EPB41: variants seen among roughly 807,000 people sequenced by gnomAD.
The protein encoded by EPB41 is protein 4.1.
In EPB41, 65 loss-of-function variants were observed where a neutral mutation model predicts 108.0. The observed-to-expected ratio is 0.60, with a 90% CI of 0.49 to 0.74. The LOEUF (loss-of-function observed/expected upper bound fraction) is 0.74, where lower values mean the gene tolerates loss of function less well. EPB41 is among the 30% of genes least tolerant of loss of function. The probability of loss-of-function intolerance (pLI) is 0.00; values close to 1 mark genes in which losing one functional copy is unlikely to be tolerated. For synonymous variants in EPB41, 336 were observed against 358.9 expected (o/e 0.94, Z 0.72); for missense variants, 875 against 1,037.0 (o/e 0.84, Z 2.15).
intron 1 of EPB41, among the ~76,000 whole-genome samples, chr1:28,979,299 C>G (rs939587681): frequency 2.0e-5 from 3 of 151,538 alleles, no homozygotes; most frequent in South Asian, 4.2e-4. Context: ...CATATACTTA[C>G]AAAATTTGTA....
In EPB41 at chr1:29,115,753, AC is replaced by A. The variant is rs754721914; in HGVS notation, c.2553del (p.Lys852ArgfsTer18). 8 of 1,614,100 alleles carry A rather than the reference AC, an allele frequency of 5.0e-6. No individual in the cohort carries two copies. Among genetic ancestry groups the A allele is most frequent in the Non-Finnish European group, 5.9e-6 (7 of 1,180,002 alleles). On this transcript the variant is annotated frameshift_variant, in exon 20 of 21. Transcript: ENST00000343067. LOFTEE classifies it high-confidence loss of function. The surrounding 1 kb of genome is among the most constrained non-coding windows in gnomAD (Gnocchi z 4.4). ...GGAGCAGCACCCAGACATGTCAGTG[AC>A]CAAGGTGGTCGTCCACCAGGAGACC... The part of the protein sequence containing the change: ...AKEQHPDMSV[T>X]KVVVHQETEI...
chr1:28,981,009 G>A (rs1179478916), intron 1 of EPB41, among the ~76,000 whole-genome samples: 1 of 152,144 alleles, frequency 6.6e-6, no homozygotes, highest in Non-Finnish European at 1.5e-5. Context: ...CTGACCTCAG[G>A]TGATCTGCCC....
intron 1 of EPB41, chr1:28,982,570 AG>A: frequency 6.6e-7 from 1 of 1,506,690 alleles, no homozygotes; most frequent in East Asian, 2.3e-5. Context: ...GCGTCCAGCC[AG>A]GACAAGCACC....
chr1:29,022,573 T>G lies in EPB41; in HGVS notation c.1124+4131T>G, dbSNP rs1045933701. ...CTGTCTCTACTAAAAATACAAAAAT[T>G]AGCCAGGCATGGTGGTGGGCACCTG... is the stretch of plus-strand genomic sequence containing the variant. On this transcript the variant is annotated intron_variant, in intron 7 of 20. Coordinates refer to ENST00000343067, the MANE Select transcript of EPB41 (RefSeq NM_001376013.1). Among the ~76,000 whole-genome samples, 14 of 150,610 alleles carry G rather than the reference T, an allele frequency of 9.3e-5. 1 individual carries two copies. Among genetic ancestry groups the G allele is most frequent in the African/African-American group, 3.5e-4 (14 of 40,118 alleles).
chr1:28,947,875 A>G (rs1031624955), intron 1 of EPB41, among the ~76,000 whole-genome samples: 1 of 152,198 alleles, frequency 6.6e-6, no homozygotes, highest in African/African-American at 2.4e-5. Context: ...TTTAATGTTT[A>G]TTATAGGAAT....
chr1:28,987,623 A>C lies in EPB41; in HGVS notation c.186A>C (p.Thr62=). 1 of 1,614,236 alleles carries C rather than the reference A, an allele frequency of 6.2e-7. No individual in the cohort carries two copies. The highest frequency in any genetic ancestry group is 8.5e-7 in the Non-Finnish European group (1 of 1,180,042). ...KLKASNGDTP[T]HEDLTKNKER... ...AAGCTTCTAATGGAGACACTCCTAC[A>C]CATGAAGACTTGACCAAGAACAAGG... The change falls in exon 2 of 21, where the codon ACA becomes ACC. Residue 62 remains threonine (T), a synonymous_variant. Coordinates refer to ENST00000343067, the MANE Select transcript of EPB41 (RefSeq NM_001376013.1).
rs750533493 is a variant in EPB41, at chr1:28,964,250, C to G, written c.-7-23181C>G. On this transcript the variant is annotated intron_variant, in intron 1 of 20. Transcript: ENST00000343067. Reference sequence around the variant, plus strand: ...GGTCAGGAATTTGAGACCACTGTGGCCTGTCCAACATGGTGAAATCCCGTC... The same window carrying G: ...GGTCAGGAATTTGAGACCACTGTGGGCTGTCCAACATGGTGAAATCCCGTC... 2.3e-3 allele frequency among the ~76,000 whole-genome samples: 344 copies of G among 152,240 alleles called. 1 individual carries two copies. Among genetic ancestry groups the G allele is most frequent in the Non-Finnish European group, 3.4e-3 (232 of 68,012 alleles).
intron 1 of EPB41, among the ~76,000 whole-genome samples, chr1:28,901,765 C>T (rs762193795): frequency 1.3e-5 from 2 of 151,958 alleles, no homozygotes; most frequent in Admixed American, 6.6e-5. Context: ...AACTCCTGAC[C>T]TCTGGTGATC....
At chr1:28,964,517 C>T (rs2095310722) in intron 1 of EPB41, among the ~76,000 whole-genome samples, 2 of 152,040 alleles carry the variant, frequency 1.3e-5, no homozygotes, top group African/African-American at 2.4e-5. Flanking sequence ...AGGAGAATCA[C>T]TTGAACCCAG....
intron 1 of EPB41, among the ~76,000 whole-genome samples, chr1:28,977,739 C>T (rs747416567): frequency 1.2e-4 from 18 of 152,214 alleles, no homozygotes; most frequent in South Asian, 6.2e-4. Context: ...CCTCTGTACC[C>T]GTCCTATCAT....
At chr1:29,064,904 G>T in intron 15 of EPB41, 78 bp from the exon 16 acceptor site, 6 of 1,589,926 alleles carry the variant, frequency 3.8e-6, no homozygotes, top group Non-Finnish European at 4.3e-6. Context: ...CCAGTGCCCA[G>T]TCTCTGACGG....
intron 2 of EPB41, among the ~76,000 whole-genome samples, chr1:28,992,277 T>C (rs1019478401): frequency 4.6e-5 from 7 of 152,238 alleles, no homozygotes; most frequent in African/African-American, 1.7e-4. Context: ...ATTCTTTTTT[T>C]CTTTTAATTG....
At chr1:28,994,888 C>T (rs530420611) in intron 3 of EPB41, among the ~76,000 whole-genome samples, 6 of 143,018 alleles carry the variant, frequency 4.2e-5, no homozygotes, top group Non-Finnish European at 6.0e-5. Flanking sequence ...TTGAGCTCCC[C>T]GGCTCAAGCG....
At chr1:28,907,958 C>T (rs1170678308) in intron 1 of EPB41, among the ~76,000 whole-genome samples, 3 of 152,136 alleles carry the variant, frequency 2.0e-5, no homozygotes, top group Admixed American at 2.0e-4. Context: ...GTGTGAGCCC[C>T]TGCACAGCCC....
chr1:28,971,400 T>C (rs550634632), intron 1 of EPB41, among the ~76,000 whole-genome samples: 1 of 152,016 alleles, frequency 6.6e-6, no homozygotes, highest in Admixed American at 6.6e-5. Context: ...ACCAGGCTCA[T>C]CTTGAACTCC....
At chr1:28,968,870 C>T (rs937628513) in intron 1 of EPB41, among the ~76,000 whole-genome samples, 3 of 151,462 alleles carry the variant, frequency 2.0e-5, no homozygotes, top group Non-Finnish European at 2.9e-5. Context: ...GAGGCTGAGA[C>T]GTGACAATCA....
At chr1:29,082,745 G>A (rs970377077) in intron 16 of EPB41, among the ~76,000 whole-genome samples, 4 of 152,152 alleles carry the variant, frequency 2.6e-5, no homozygotes, top group African/African-American at 4.8e-5. Context: ...TTTGATCTGT[G>A]GAGTCCTTGC....
Position 29,033,235 on chromosome 1 carries a change from G to C in EPB41, c.1355G>C (p.Arg452Pro). 1 of 1,613,722 alleles carries C rather than the reference G, an allele frequency of 6.2e-7. No individual in the cohort carries two copies. The highest frequency in any genetic ancestry group is 8.5e-7 in the Non-Finnish European group (1 of 1,179,852). The change falls in exon 9 of 21, where the codon CGG becomes CCG. Residue 452 changes from arginine to proline, a missense_variant. Physicochemically the swap from Arg to Pro is moderately radical, Grantham distance 103 (BLOSUM62 -2). Coordinates refer to ENST00000343067, the MANE Select transcript of EPB41 (RefSeq NM_001376013.1). ...YKRSSFFIKI[R>P]PGEQEQYEST... ...CGTAGTAGCTTTTTCATCAAGATTC[G>C]GCCTGGAGAGGTACAGAATTTATAT...
rs994949428 is a variant in EPB41 at position 28,917,768 on chromosome 1, C to G, written c.-8+3000C>G. The stretch of plus-strand genomic sequence containing the variant: ...GCTTTTTTTTTTCGTTTTTAAAACA[C>G]GGGGTCCTGCTATTGTTTCCCAGGC... On this transcript the variant is annotated intron_variant, in intron 1 of 20. Coordinates refer to ENST00000343067, the MANE Select transcript of EPB41 (RefSeq NM_001376013.1). 2.0e-5 allele frequency among the ~76,000 whole-genome samples: 3 copies of G among 150,684 alleles called. 1 individual carries two copies. The South Asian group carries it at 6.3e-4, about 32-fold the overall frequency.
Sources: allele counts gnomAD v4.1 joint callset (sites outside exome capture counted in the v4.1 genomes callset), GRCh38; gene constraint gnomAD v4.1.1; non-coding constraint Gnocchi (gnomAD v3.1); transcripts MANE v1.5; gene names NCBI Gene and HGNC (gene_info 2026-07-23, HGNC 2026-07-21).